RGL4: variants seen among roughly 807,000 people sequenced by gnomAD.
RGL4 encodes the protein ral guanine nucleotide dissociation stimulator like 4, also known as ral-GDS-related protein.
RGL4 carries 41 observed loss-of-function variants against 49.6 expected under a neutral mutation model. That is an observed-to-expected ratio of 0.83 (90% CI 0.64 to 1.07). The LOEUF is 1.07. Among genes scored for constraint, RGL4 ranks in the 50% least tolerant of loss-of-function variants. The pLI is 0.00. For missense variants in RGL4, 610 were observed against 591.9 expected, an observed-to-expected ratio of 1.03 and a Z score of -0.32; for synonymous variants, 255 against 238.0, an observed-to-expected ratio of 1.07 and a Z score of -0.66.
Position 23,693,010 on chromosome 22 carries a change from C to T in RGL4, c.696+19C>T. 2 of 1,569,088 alleles carry T rather than the reference C, an allele frequency of 1.3e-6. No individual in the cohort carries two copies. Among genetic ancestry groups the T allele is most frequent in the African/African-American group, 1.3e-5 (1 of 74,354 alleles). On this transcript the variant is annotated intron_variant, in intron 3 of 10. Transcript: ENST00000290691. The stretch of plus-strand genomic sequence containing the variant: ...GGATGCGGTGAGCAGCTGAGCTTTG[C>T]AGGCTGTGTCTCTGGCACCAGCTGT...
intron 3 of RGL4, 23 bp from the exon 4 acceptor site, chr22:23,693,736 G>T: frequency 6.3e-7 from 1 of 1,593,402 alleles, no homozygotes; most frequent in South Asian, 1.1e-5. Flanking sequence ...CTGTGTCCGT[G>T]ACACTCTCCT....
At chr22:23,693,699 C>T in intron 3 of RGL4, 60 bp from the exon 4 acceptor site, 1 of 1,351,434 alleles carries the variant, frequency 7.4e-7, no homozygotes, top group South Asian at 1.2e-5. Context: ...CTGCCTGGGA[C>T]TGTGGGTGAC....
At position 23,694,457 on chromosome 22, in the gene RGL4, A is replaced by C; in HGVS notation, c.1016+7A>C. ...CGTGGGCAGGAGTGTCCAGGTGAGG[A>C]GGGCTCTCTCCATGGCAGCATCAGG... On this transcript the variant is annotated splice_region_variant and intron_variant, in intron 5 of 10. Coordinates refer to ENST00000290691, the MANE Select transcript of RGL4 (RefSeq NM_153615.2). The C allele has an allele frequency of 6.3e-7, 1 of 1,595,674 alleles. No homozygotes were observed. The highest frequency in any genetic ancestry group is 1.1e-5 in the South Asian group (1 of 90,582).
intron 6 of RGL4, chr22:23,695,489 C>A (rs1923432592): frequency 3.6e-6 from 2 of 550,566 alleles, no homozygotes; most frequent in Non-Finnish European, 6.4e-6. Flanking sequence ...CTGCAGCACA[C>A]CTCCATGGGC....
rs202094331 is a variant in RGL4, at chr22:23,692,464, G to A, written c.309G>A (p.Glu103=). ...TCTCCTGGCCTGGACTGGGCTTGGA[G>A]GACCATCAGGAAATTGTCCTAGGCC... ...RNLSWPGLGL[E]DHQEIVLGQL... The change falls in exon 2 of 11, where the codon GAG becomes GAA. Residue 103 remains glutamate, a synonymous_variant. Coordinates refer to ENST00000290691, the MANE Select transcript of RGL4 (RefSeq NM_153615.2). 7.4e-5 allele frequency: 120 copies of A among 1,614,088 alleles called. No homozygotes were observed. Among genetic ancestry groups the A allele is most frequent in the African/African-American group, 1.5e-4 (11 of 74,932 alleles).
chr22:23,692,179 G>A lies in RGL4; in HGVS notation c.149G>A (p.Cys50Tyr), dbSNP rs1006256392. The stretch of plus-strand genomic sequence containing the variant: ...ACAGCCCTGCTGTATGGCCAGGTCT[G>A]CCCCTTCCAGGACAGCACTGATGGC... ...VCTALLYGQV[C>Y]PFQDSTDGLR... The change falls in exon 1 of 11, where the codon TGC (cysteine) becomes TAC (tyrosine). Residue 50 changes from cysteine (C) to tyrosine (Y), a missense_variant. Transcript: ENST00000290691. 1.2e-6 allele frequency: 2 copies of A among 1,614,156 alleles called. No homozygotes were observed.
Position 23,691,847 on chromosome 22 carries a change from T to G in RGL4, c.-184T>G. On this transcript the variant is annotated 5_prime_UTR_variant, in exon 1 of 11. Transcript: ENST00000290691. ...GACTTCCCCCACAAGAGGCAAATAG[T>G]GAGTTCTGTAAATGGAGACTTAGGT... 1 of 573,744 alleles carries G rather than the reference T, an allele frequency of 1.7e-6. No individual in the cohort carries two copies. Among genetic ancestry groups the G allele is most frequent in the Non-Finnish European group, 3.1e-6 (1 of 326,484 alleles). 35.5% of individuals were successfully genotyped at this position (573,744 alleles called of 1,614,324 possible).
At chr22:23,693,738 C>T (rs1601285596) in intron 3 of RGL4, 21 bp from the exon 4 acceptor site, 2 of 1,595,654 alleles carry the variant, frequency 1.3e-6, no homozygotes, top group Non-Finnish European at 1.7e-6. Flanking sequence ...GTGTCCGTGA[C>T]ACTCTCCTCC....
intron 8 of RGL4, among the ~76,000 whole-genome samples, 176 bp from the exon 9 acceptor site, chr22:23,697,662 G>A (rs1467878580): frequency 6.6e-6 from 1 of 152,190 alleles, no homozygotes; most frequent in East Asian, 1.9e-4. Context: ...GAAGGTCCCT[G>A]GGCCTCAGCT....
At chr22:23,696,061 C>T (rs181488023) in intron 6 of RGL4, among the ~76,000 whole-genome samples, 101 of 152,284 alleles carry the variant, frequency 6.6e-4, no homozygotes, top group African/African-American at 2.0e-3. Context: ...GGCTGGAGAC[C>T]TAGACACTCA....
intron 3 of RGL4, 175 bp downstream of exon 3, chr22:23,693,166 G>A: frequency 5.3e-6 from 6 of 1,141,398 alleles, no homozygotes; most frequent in Non-Finnish European, 7.2e-6. Context: ...GGACGGCAGA[G>A]ATGGGACATC....
intron 10 of RGL4, chr22:23,698,638 C>A: frequency 1.3e-6 from 1 of 746,798 alleles, no homozygotes; most frequent in Non-Finnish European, 2.3e-6. Context: ...AAAGTACTGA[C>A]GTTACAGGTG....
intron 10 of RGL4, 67 bp from the exon 11 acceptor site, chr22:23,698,777 G>A (rs1460241267): frequency 7.2e-6 from 11 of 1,530,450 alleles, no homozygotes; most frequent in Non-Finnish European, 9.7e-6. Context: ...TTCCAGCTGG[G>A]CAGGCACTGA....
intron 5 of RGL4, 154 bp from the exon 6 acceptor site, chr22:23,694,796 C>T (rs768101349): frequency 7.1e-5 from 48 of 677,796 alleles, no homozygotes; most frequent in Non-Finnish European, 1.1e-4. Flanking sequence ...AGAGGTCCCA[C>T]CCTGGTCCTC....
At chr22:23,696,106 G>T (rs1923475702) in intron 6 of RGL4, among the ~76,000 whole-genome samples, 1 of 152,188 alleles carries the variant, frequency 6.6e-6, no homozygotes, top group Non-Finnish European at 1.5e-5. Context: ...ATGGGTGGTG[G>T]TGCTGGGATG....
At position 23,697,074 on chromosome 22, in the gene RGL4, C is replaced by A. The variant is rs1923555208; in HGVS notation, c.1162-97C>A. 4.4e-6 allele frequency: 4 copies of A among 914,718 alleles called. No homozygotes were observed. In the South Asian group the frequency reaches 4.7e-5, roughly 11 times the overall value. The allele number at this position is 914,718 out of a possible 1,614,324, so 56.7% of individuals were successfully genotyped here. ...AGGAGGGGGCTCTGGGAGACAGGGG[C>A]TGATGGGATTTCATGGGACAGGACC... On this transcript the variant is annotated intron_variant, in intron 7 of 10. Coordinates refer to ENST00000290691, the MANE Select transcript of RGL4 (RefSeq NM_153615.2).
In RGL4 at chr22:23,691,848, G is replaced by A. The variant is rs369972816; in HGVS notation, c.-183G>A. 6 of 576,806 alleles carry A rather than the reference G, an allele frequency of 1.0e-5. No individual in the cohort carries two copies. Among genetic ancestry groups the A allele is most frequent in the African/African-American group, 3.7e-5 (2 of 53,860 alleles). The allele number at this position is 576,806 out of a possible 1,614,324, so 35.7% of individuals were successfully genotyped here. A position where few individuals can be genotyped will look rare whatever the true frequency, so the allele number is the denominator to read the frequency against. ...ACTTCCCCCACAAGAGGCAAATAGT[G>A]AGTTCTGTAAATGGAGACTTAGGTC... On this transcript the variant is annotated 5_prime_UTR_variant, in exon 1 of 11. Coordinates refer to ENST00000290691, the MANE Select transcript of RGL4 (RefSeq NM_153615.2).
chr22:23,692,208 C>T lies in RGL4; in HGVS notation c.178C>T (p.Arg60Cys), dbSNP rs773973116. The T allele has an allele frequency of 1.6e-5, 26 of 1,612,384 alleles. No homozygotes were observed. Among genetic ancestry groups the T allele is most frequent in the South Asian group, 1.3e-4 (12 of 91,058 alleles). The stretch of plus-strand genomic sequence containing the variant: ...CTTCCAGGACAGCACTGATGGCTTA[C>T]GGTAGGGTGGGGCTGTCCTCCACAC... ...CPFQDSTDGL[R>C]TITSILFNWP... Residue 60 changes from arginine to cysteine, a missense_variant and splice_region_variant, in exon 1 of 11, where the codon CGC becomes TGC. By Grantham distance (180) the Arg-to-Cys change is radical (BLOSUM62 -3). Coordinates refer to ENST00000290691, the MANE Select transcript of RGL4 (RefSeq NM_153615.2).
At chr22:23,698,532 C>A in intron 10 of RGL4, 199 bp downstream of exon 10, 1 of 733,778 alleles carries the variant, frequency 1.4e-6, no homozygotes, top group Non-Finnish European at 2.4e-6. Context: ...TCCGGTTGTT[C>A]TGCTGTTGTT....
Sources: gnomAD v4.1 joint callset for allele counts (sites outside exome capture counted in the v4.1 genomes callset) on GRCh38, gnomAD v4.1.1 for gene constraint, MANE v1.5 for transcripts, NCBI Gene and HGNC (gene_info 2026-07-23, HGNC 2026-07-21) for gene names.